The following ZDHHC14 variants were observed in gnomAD, a reference collection of about 807,000 sequenced individuals.
The protein encoded by ZDHHC14 is palmitoyltransferase ZDHHC14.
In ZDHHC14, 16 loss-of-function variants were observed where a neutral mutation model predicts 47.7. That is an observed-to-expected ratio of 0.34 (90% confidence interval 0.23 to 0.51). The LOEUF is 0.51. Ranked by LOEUF, ZDHHC14 falls within the 20% of genes least tolerant of loss-of-function variation. The pLI, the probability that ZDHHC14 is intolerant of heterozygous loss-of-function variation, is 0.97. For missense variants in ZDHHC14, 515 were observed against 662.5 expected (o/e 0.78, Z 2.44); for synonymous variants, 293 against 278.9 (o/e 1.05, Z -0.50).
chr6:157,593,288 G>T, intron 3 of ZDHHC14, 142 bp downstream of exon 3: 4 of 1,118,386 alleles, frequency 3.6e-6, no homozygotes, highest in South Asian at 1.7e-5. Context: ...AGTTCACCGG[G>T]CCTAGAGTCA....
chr6:157,499,741 G>A (rs9457614), intron 1 of ZDHHC14, among the ~76,000 whole-genome samples: 29,119 of 152,074 alleles, frequency 0.19, 3,180 homozygotes, highest in Admixed American at 0.32. Flanking sequence ...ATGCATATAA[G>A]CAACCACCTG....
intron 1 of ZDHHC14, among the ~76,000 whole-genome samples, chr6:157,536,454 T>C (rs926753133): frequency 5.3e-5 from 8 of 152,248 alleles, no homozygotes; most frequent in African/African-American, 1.9e-4. Flanking sequence ...CTCTACTTCT[T>C]GTTCCAAAGG....
chr6:157,522,597 G>C (rs934981512), intron 1 of ZDHHC14, among the ~76,000 whole-genome samples: 2 of 151,768 alleles, frequency 1.3e-5, no homozygotes, highest in African/African-American at 4.8e-5. Flanking sequence ...GTATGGGTTG[G>C]TCCCCAAAAC....
At chr6:157,472,578 C>T (rs542419182) in intron 1 of ZDHHC14, among the ~76,000 whole-genome samples, 15 of 152,204 alleles carry the variant, frequency 9.9e-5, no homozygotes, top group South Asian at 2.1e-4. Context: ...TCCACACTTA[C>T]CATGTGACTC....
At chr6:157,599,731 A>G (rs1234541855) in intron 3 of ZDHHC14, among the ~76,000 whole-genome samples, 1 of 152,260 alleles carries the variant, frequency 6.6e-6, no homozygotes, top group African/African-American at 2.4e-5. Flanking sequence ...AAACCATAAG[A>G]AAACAATGAC....
At chr6:157,545,985 G>A (rs1425726445) in intron 2 of ZDHHC14, among the ~76,000 whole-genome samples, 1 of 152,086 alleles carries the variant, frequency 6.6e-6, no homozygotes, top group South Asian at 2.1e-4. Context: ...TTTTTGTTTT[G>A]TCTAATTCTT....
chr6:157,515,176 C>T (rs926187017), intron 1 of ZDHHC14, among the ~76,000 whole-genome samples: 2 of 152,146 alleles, frequency 1.3e-5, no homozygotes, highest in Admixed American at 6.5e-5. Flanking sequence ...ATGCCAGCCA[C>T]GGCGAGTACT....
chr6:157,453,788 T>TTTTTTGTG (rs3220439), intron 1 of ZDHHC14, among the ~76,000 whole-genome samples: 1 of 148,098 alleles, frequency 6.8e-6, no homozygotes, highest in African/African-American at 2.5e-5. Flanking sequence ...TTTTTGTGTT[T>TTTTTTGTG]TGTGTGTGTG....
At chr6:157,626,525 C>A (rs1447305299) in intron 3 of ZDHHC14, among the ~76,000 whole-genome samples, 2 of 152,030 alleles carry the variant, frequency 1.3e-5, no homozygotes, top group East Asian at 3.9e-4. Flanking sequence ...TTTTTTAGAG[C>A]TGTTTTAGGT....
intron 1 of ZDHHC14, among the ~76,000 whole-genome samples, chr6:157,512,053 A>T (rs1036969999): frequency 1.1e-4 from 16 of 152,196 alleles, no homozygotes; most frequent in Non-Finnish European, 2.1e-4. Flanking sequence ...GCCTACCTGG[A>T]GGAGGATAGT....
chr6:157,429,456 G>C (rs1009028060), intron 1 of ZDHHC14, among the ~76,000 whole-genome samples: 2 of 152,094 alleles, frequency 1.3e-5, no homozygotes, highest in African/African-American at 4.8e-5. Flanking sequence ...GTCTTTAACT[G>C]ATGAGTTCCT....
intron 7 of ZDHHC14, among the ~76,000 whole-genome samples, chr6:157,649,205 G>A (rs1385226477): frequency 1.3e-5 from 2 of 152,212 alleles, no homozygotes; most frequent in Non-Finnish European, 2.9e-5. Flanking sequence ...AGTGAAGAGT[G>A]TATTTGAACA....
At chr6:157,643,815 G>A (rs760884026) in intron 5 of ZDHHC14, among the ~76,000 whole-genome samples, 3 of 151,224 alleles carry the variant, frequency 2.0e-5, no homozygotes, top group East Asian at 3.9e-4. Flanking sequence ...GTCACTGCTC[G>A]TACATGCCAG....
chr6:157,588,900 T>C (rs2114885535), intron 2 of ZDHHC14, among the ~76,000 whole-genome samples: 1 of 152,322 alleles, frequency 6.6e-6, no homozygotes, highest in East Asian at 1.9e-4. Context: ...TCTGCTTATG[T>C]GCTAGGCTGT....
intron 3 of ZDHHC14, among the ~76,000 whole-genome samples, chr6:157,625,184 C>T (rs762320509): frequency 6.6e-6 from 1 of 152,142 alleles, no homozygotes; most frequent in Non-Finnish European, 1.5e-5. Context: ...CACATTCAGA[C>T]CATAGCAGAT....
chr6:157,598,366 A>G (rs1156990434), intron 3 of ZDHHC14, among the ~76,000 whole-genome samples: 1 of 152,160 alleles, frequency 6.6e-6, no homozygotes, highest in East Asian at 1.9e-4. Context: ...GAACCAAAAC[A>G]AACAGGACTT....
At chr6:157,579,261 G>A (rs779819417) in intron 2 of ZDHHC14, among the ~76,000 whole-genome samples, 3 of 142,232 alleles carry the variant, frequency 2.1e-5, no homozygotes, top group South Asian at 4.7e-4. Flanking sequence ...GCAGTGGCGC[G>A]ATCTCGGCTC....
At chr6:157,487,942 A>G (rs905724155) in intron 1 of ZDHHC14, among the ~76,000 whole-genome samples, 1 of 152,112 alleles carries the variant, frequency 6.6e-6, no homozygotes, top group Non-Finnish European at 1.5e-5. Flanking sequence ...CCCAGCTCCA[A>G]GATGCCCTGG....
chr6:157,530,131 T>C (rs143053585), intron 1 of ZDHHC14, among the ~76,000 whole-genome samples: 63 of 152,274 alleles, frequency 4.1e-4, no homozygotes, highest in African/African-American at 1.3e-3. Flanking sequence ...CCTGTTACTT[T>C]GAAAACCATG....
Sources: allele counts gnomAD v4.1 joint callset (sites outside exome capture counted in the v4.1 genomes callset), GRCh38; gene constraint gnomAD v4.1.1; transcripts MANE v1.5; gene names NCBI Gene and HGNC (gene_info 2026-07-23, HGNC 2026-07-21).